SHTN1: variants seen among roughly 807,000 people sequenced by gnomAD.
The protein encoded by SHTN1 is shootin 1, also known as shootin-1.
Under a neutral mutation model 83.1 loss-of-function variants are expected in SHTN1, and 42 were observed. The ratio of observed to expected loss-of-function variants is 0.51; its 90% CI spans 0.39 to 0.65. The LOEUF is 0.65. Ranked by LOEUF, SHTN1 falls within the 30% of genes least tolerant of loss-of-function variation. SHTN1 has a pLI of 0.00. For synonymous variants in SHTN1, 224 were observed against 247.7 expected, an observed-to-expected ratio of 0.90 and a Z score of 0.90; for missense variants, 622 against 737.8, an observed-to-expected ratio of 0.84 and a Z score of 1.82.
intron 1 of SHTN1, among the ~76,000 whole-genome samples, chr10:117,060,187 C>T (rs1003217311): frequency 2.6e-5 from 4 of 152,072 alleles, no homozygotes; most frequent in Non-Finnish European, 5.9e-5. Context: ...CATGCCACTG[C>T]ACTCTAGCCT....
At chr10:117,056,472 T>C (rs959692678) in intron 1 of SHTN1, among the ~76,000 whole-genome samples, 2 of 152,164 alleles carry the variant, frequency 1.3e-5, no homozygotes, top group African/African-American at 2.4e-5. Flanking sequence ...ATGGGATTGA[T>C]TGATTCAGAA....
chr10:117,014,318 T>C (rs1039981780), intron 2 of SHTN1, among the ~76,000 whole-genome samples: 6 of 152,188 alleles, frequency 3.9e-5, no homozygotes, highest in Non-Finnish European at 7.3e-5. Flanking sequence ...TCAGCCAAGA[T>C]AGGGAAATCC....
intron 9 of SHTN1, among the ~76,000 whole-genome samples, chr10:116,934,336 T>C (rs892103157): frequency 1.3e-5 from 2 of 152,232 alleles, no homozygotes; most frequent in Non-Finnish European, 2.9e-5. Flanking sequence ...GAGTTAATTT[T>C]TGTATAAGAT....
chr10:116,977,658 T>A (rs1850854428), intron 2 of SHTN1, among the ~76,000 whole-genome samples: 1 of 76,588 alleles, frequency 1.3e-5, no homozygotes, highest in Non-Finnish European at 2.7e-5. Flanking sequence ...GTGACTTTCT[T>A]ACTCTGTGTG....
intron 2 of SHTN1, among the ~76,000 whole-genome samples, chr10:117,027,022 G>A (rs1233484350): frequency 6.6e-6 from 1 of 152,190 alleles, no homozygotes; most frequent in South Asian, 2.1e-4. Context: ...AGCTCCAGGT[G>A]GCTCAGAACA....
intron 1 of SHTN1, among the ~76,000 whole-genome samples, chr10:116,991,470 G>T (rs1011900540): frequency 2.0e-5 from 3 of 152,186 alleles, no homozygotes; most frequent in African/African-American, 7.2e-5. Flanking sequence ...AGGGGAACAA[G>T]CGTGTGGAGC....
intron 6 of SHTN1, among the ~76,000 whole-genome samples, chr10:116,949,791 C>T (rs1743240501): frequency 6.6e-6 from 1 of 152,050 alleles, no homozygotes; most frequent in East Asian, 1.9e-4. Context: ...CATATAAATA[C>T]TCCCACAAAA....
intron 1 of SHTN1, among the ~76,000 whole-genome samples, chr10:117,125,859 G>A (rs909381939): frequency 6.6e-5 from 10 of 152,214 alleles, no homozygotes; most frequent in Non-Finnish European, 1.5e-5. Flanking sequence ...TTCCCGGGAA[G>A]GGACTAAGCC....
At chr10:117,049,529 A>C (rs957074650) in intron 1 of SHTN1, among the ~76,000 whole-genome samples, 18 of 152,234 alleles carry the variant, frequency 1.2e-4, no homozygotes, top group African/African-American at 3.9e-4. Flanking sequence ...GAGAAGGAGT[A>C]TGTCTGTTTA....
chr10:116,988,017 T>C (rs1399161735), intron 1 of SHTN1, among the ~76,000 whole-genome samples: 7 of 152,290 alleles, frequency 4.6e-5, no homozygotes, highest in African/African-American at 1.4e-4. Context: ...GTGGTACTAT[T>C]CTGTACTATA....
chr10:116,907,262 C>T (rs1196934598), intron 14 of SHTN1, among the ~76,000 whole-genome samples: 1 of 152,124 alleles, frequency 6.6e-6, no homozygotes. Context: ...ATAATGCTCT[C>T]CAGGGGCCGA....
intron 16 of SHTN1, among the ~76,000 whole-genome samples, chr10:116,899,506 G>GGGGT (rs1554906586): frequency 7.2e-5 from 9 of 124,582 alleles, no homozygotes; most frequent in African/African-American, 2.6e-4. Context: ...GGCTGGGGCT[G>GGGGT]GTGTGTGTGT....
chr10:117,077,956 C>G (rs1276332775), intron 1 of SHTN1, among the ~76,000 whole-genome samples: 2 of 152,068 alleles, frequency 1.3e-5, no homozygotes, highest in Admixed American at 6.6e-5. Context: ...GCAAACCACC[C>G]GCAACAATTT....
intron 1 of SHTN1, among the ~76,000 whole-genome samples, chr10:117,060,831 T>C (rs544276946): frequency 2.1e-4 from 32 of 152,316 alleles, no homozygotes; most frequent in Admixed American, 1.4e-3. Context: ...AAACTACTTA[T>C]GGTCGGAAAA....
At chr10:116,920,597 C>T (rs1442472596) in intron 12 of SHTN1, among the ~76,000 whole-genome samples, 1 of 152,136 alleles carries the variant, frequency 6.6e-6, no homozygotes. Context: ...TCTCTCACTG[C>T]AGCCAGGGTG....
intron 1 of SHTN1, among the ~76,000 whole-genome samples, chr10:116,990,677 G>C (rs1268532334): frequency 1.3e-5 from 2 of 152,098 alleles, no homozygotes; most frequent in African/African-American, 2.4e-5. Flanking sequence ...AAGTCATAAA[G>C]AGGCTTATTG....
At chr10:117,086,549 G>C (rs577413626) in intron 1 of SHTN1, among the ~76,000 whole-genome samples, 1 of 151,836 alleles carries the variant, frequency 6.6e-6, no homozygotes, top group Admixed American at 6.6e-5. Context: ...TGCCTTCTCT[G>C]GTTTTAATTT....
At chr10:116,888,693 G>A (rs1209475246) in intron 16 of SHTN1, among the ~76,000 whole-genome samples, 1 of 152,150 alleles carries the variant, frequency 6.6e-6, no homozygotes, top group African/African-American at 2.4e-5. Context: ...AGAAACTGTG[G>A]GCCAGTCACT....
intron 2 of SHTN1, 126 bp downstream of exon 2, chr10:116,979,130 G>T: frequency 2.6e-6 from 2 of 758,506 alleles, no homozygotes; most frequent in Non-Finnish European, 4.4e-6. Context: ...AAGAGAAAAG[G>T]GAAGAAAAGA....
Sources: gnomAD v4.1 joint callset for allele counts (sites outside exome capture counted in the v4.1 genomes callset) on GRCh38, gnomAD v4.1.1 for gene constraint, MANE v1.5 for transcripts, NCBI Gene and HGNC (gene_info 2026-07-23, HGNC 2026-07-21) for gene names.